ZNF365: variants seen among roughly 807,000 people sequenced by gnomAD.
The protein encoded by ZNF365 is zinc finger protein 365.
Under a neutral mutation model 35.0 loss-of-function variants are expected in ZNF365, and 22 were observed. The ratio of observed to expected loss-of-function variants is 0.63; its 90% CI spans 0.45 to 0.90. ZNF365 has a LOEUF of 0.90. ZNF365 is among the 40% of genes least tolerant of loss of function. The pLI is 0.00. For synonymous variants in ZNF365, 188 were observed against 196.2 expected (o/e 0.96, Z 0.35); for missense variants, 448 against 500.3 (o/e 0.90, Z 1.00).
downstream of ZNF365, among the ~76,000 whole-genome samples, chr10:62,406,869 T>C (rs1589439526): frequency 1.3e-5 from 2 of 152,338 alleles, no homozygotes; most frequent in African/African-American, 4.8e-5. Flanking sequence ...GTGAGAGAAC[T>C]GTATCTACCC....
intron 3 of ZNF365, among the ~76,000 whole-genome samples, chr10:62,395,397 G>A (rs1839706711): frequency 6.6e-6 from 1 of 151,098 alleles, no homozygotes; most frequent in South Asian, 2.1e-4. Context: ...GAGTGCAATG[G>A]CATGATCATG....
intron 3 of ZNF365, among the ~76,000 whole-genome samples, chr10:62,425,174 T>A (rs3999113): frequency 0.59 from 89,214 of 151,946 alleles, 26,707 homozygotes; most frequent in East Asian, 0.77. Flanking sequence ...CATAAAATTA[T>A]AAGAAGAAAA....
intron 2 of ZNF365, among the ~76,000 whole-genome samples, chr10:62,387,547 G>C (rs1294747343): frequency 6.6e-6 from 1 of 152,172 alleles, no homozygotes; most frequent in Non-Finnish European, 1.5e-5. Context: ...TTCTGGATTT[G>C]TAATCTACTT....
chr10:62,404,884 G>C (rs141580653), downstream of ZNF365, among the ~76,000 whole-genome samples: 53 of 152,284 alleles, frequency 3.5e-4, no homozygotes, highest in African/African-American at 1.2e-3. Flanking sequence ...GCTTTGCAAA[G>C]TTTGTAAATT....
chr10:62,389,231 G>C (rs184281096), intron 3 of ZNF365, among the ~76,000 whole-genome samples: 2 of 149,948 alleles, frequency 1.3e-5, no homozygotes, highest in African/African-American at 2.5e-5. Flanking sequence ...CCTTGGTCTC[G>C]TTGGAGGGCG....
intron 3 of ZNF365, among the ~76,000 whole-genome samples, chr10:62,397,884 AT>A (rs1198467402): frequency 2.6e-5 from 4 of 152,196 alleles, no homozygotes; most frequent in Non-Finnish European, 4.4e-5. Flanking sequence ...AAGTTTTCAA[AT>A]TTTATGTATT....
At chr10:62,395,210 A>G (rs1839702990) in intron 3 of ZNF365, among the ~76,000 whole-genome samples, 2 of 152,088 alleles carry the variant, frequency 1.3e-5, no homozygotes, top group African/African-American at 2.4e-5. Context: ...AGCCACAGAT[A>G]CCCTGGGCAG....
chr10:62,479,747 A>T (rs1374392080), intron 4 of ZNF365: 2 of 679,618 alleles, frequency 2.9e-6, no homozygotes, highest in Non-Finnish European at 5.3e-6. Flanking sequence ...GCAGCACATA[A>T]GTGAAGAGTT....
At chr10:62,430,324 G>C (rs919441906) in intron 3 of ZNF365, among the ~76,000 whole-genome samples, 4 of 148,304 alleles carry the variant, frequency 2.7e-5, no homozygotes, top group Non-Finnish European at 4.4e-5. Flanking sequence ...GGGACTACAG[G>C]TGCCCGCCAC....
chr10:62,412,237 T>C (rs2393879), intron 3 of ZNF365, among the ~76,000 whole-genome samples: 91,561 of 151,892 alleles, frequency 0.6, 28,141 homozygotes, highest in East Asian at 0.77. Context: ...AATTCAACAT[T>C]GCTTCATGTT....
At chr10:62,405,978 AAC>A (rs965713457), downstream of ZNF365, among the ~76,000 whole-genome samples, 4 of 152,194 alleles carry the variant, frequency 2.6e-5, no homozygotes, top group South Asian at 2.1e-4. Context: ...TATAGTCCTA[AAC>A]ACAGAGATCT....
At position 62,376,898 on chromosome 10, in the gene ZNF365, C is replaced by T; in HGVS notation, c.705C>T (p.Arg235=). ...AAATGATAGCTGTACTGAGGCAACG[C>T]CTGACGGAATCTGAGGAGGAGCTTC... ...AVEMIAVLRQ[R]LTESEEELLR... is the part of the protein sequence containing the mutation. Residue 235 remains arginine (R), a synonymous_variant, in exon 2 of 5, where the codon CGC becomes CGT. Coordinates refer to ENST00000395254, the MANE Select transcript of ZNF365 (RefSeq NM_014951.3). The T allele has an allele frequency of 1.9e-6, 3 of 1,613,764 alleles. No individual in the cohort carries two copies. Among genetic ancestry groups the T allele is most frequent in the Non-Finnish European group, 1.7e-6 (2 of 1,179,816 alleles).
intron 1 of ZNF365, chr10:62,375,410 T>C (rs1004261923): frequency 2.0e-5 from 3 of 152,206 alleles, no homozygotes; most frequent in African/African-American, 7.2e-5. Flanking sequence ...ATTTGACACA[T>C]TGGGTCCCCA....
intron 3 of ZNF365, among the ~76,000 whole-genome samples, chr10:62,423,660 G>T (rs1272971063): frequency 6.6e-6 from 1 of 152,074 alleles, no homozygotes; most frequent in East Asian, 1.9e-4. Flanking sequence ...GGTAGCGTAG[G>T]TGACACTACC....
chr10:62,384,122 T>TTA (rs1554823638), intron 2 of ZNF365, among the ~76,000 whole-genome samples: 10 of 137,718 alleles, frequency 7.3e-5, no homozygotes, highest in African/African-American at 1.8e-4. Context: ...TTTTTTTTTT[T>TTA]AAATAAAGAA....
At position 62,399,982 on chromosome 10, in the gene ZNF365, C is replaced by T. The variant is rs1454429689; in HGVS notation, c.*193C>T. The T allele has an allele frequency of 7.4e-7, 1 of 1,348,788 alleles. No homozygotes were observed. The highest frequency in any genetic ancestry group is 9.5e-7 in the Non-Finnish European group (1 of 1,051,958). The allele number at this position is 1,348,788 out of a possible 1,614,324, so 83.6% of individuals were successfully genotyped here. On this transcript the variant is annotated 3_prime_UTR_variant, in exon 5 of 5. Transcript: ENST00000395254. ...TTAGTGAACCAGAATTTTATTATAA[C>T]CCCCTTTTAGAAGCTTGCAAATTAC...
chr10:62,445,867 T>A (rs143542556), intron 3 of ZNF365, among the ~76,000 whole-genome samples: 1 of 152,320 alleles, frequency 6.6e-6, no homozygotes, highest in Non-Finnish European at 1.5e-5. Context: ...GGTCCCCATA[T>A]GTGTAAACAA....
intron 3 of ZNF365, among the ~76,000 whole-genome samples, chr10:62,423,857 T>G (rs1840211912): frequency 6.6e-6 from 1 of 152,182 alleles, no homozygotes; most frequent in African/African-American, 2.4e-5. Context: ...GCACTATGAT[T>G]ACATATTAGG....
At chr10:62,455,274 A>G (rs1198615344) in intron 3 of ZNF365, among the ~76,000 whole-genome samples, 1 of 152,202 alleles carries the variant, frequency 6.6e-6, no homozygotes, top group Non-Finnish European at 1.5e-5. Context: ...ATTTTGTAAT[A>G]GCCCAGGAAA....
Sources: allele counts gnomAD v4.1 joint callset (sites outside exome capture counted in the v4.1 genomes callset), GRCh38; gene constraint gnomAD v4.1.1; transcripts MANE v1.5; gene names NCBI Gene and HGNC (gene_info 2026-07-23, HGNC 2026-07-21).